DLG1: variants seen among roughly 807,000 people sequenced by gnomAD.
The protein encoded by DLG1 is disks large homolog 1.
Under a neutral mutation model 123.4 loss-of-function variants are expected in DLG1, and 42 were observed. The observed-to-expected ratio is 0.34, with a 90% CI of 0.27 to 0.44. DLG1 has a LOEUF of 0.44. Ranked by LOEUF, DLG1 falls within the 20% of genes least tolerant of loss-of-function variation. The pLI is 1.00. For synonymous variants in DLG1, 317 were observed against 356.2 expected (o/e 0.89, Z 1.24); for missense variants, 942 against 1,082.6 (o/e 0.87, Z 1.82).
intron 23 of DLG1, among the ~76,000 whole-genome samples, chr3:197,052,825 G>A (rs1379733249): frequency 2.0e-5 from 3 of 152,274 alleles, no homozygotes; most frequent in African/African-American, 7.2e-5. Flanking sequence ...GAGAGATGTG[G>A]AGAGAGAATC....
chr3:197,136,480 T>A (rs1785108419), intron 10 of DLG1, 62 bp downstream of exon 10: 1 of 1,405,050 alleles, frequency 7.1e-7, no homozygotes, highest in Admixed American at 2.0e-5. Flanking sequence ...AATTCCAGTA[T>A]CTATCAGAAA....
At chr3:197,258,483 A>G (rs1030301654) in intron 4 of DLG1, among the ~76,000 whole-genome samples, 8 of 152,120 alleles carry the variant, frequency 5.3e-5, no homozygotes, top group Non-Finnish European at 1.2e-4. Flanking sequence ...CTCAACCCAC[A>G]TGCCTGTACT....
intron 4 of DLG1, among the ~76,000 whole-genome samples, chr3:197,223,136 T>A (rs1477986352): frequency 1.3e-5 from 2 of 152,186 alleles, no homozygotes; most frequent in African/African-American, 4.8e-5. Flanking sequence ...CTTCATAGTC[T>A]CTACATTAAG....
chr3:197,233,533 C>A (rs576346517), intron 4 of DLG1, among the ~76,000 whole-genome samples: 182 of 152,228 alleles, frequency 1.2e-3, no homozygotes, highest in African/African-American at 4.2e-3. Context: ...ATTACAGGTG[C>A]GCACCACGAT....
rs565444581 is a variant in DLG1, at chr3:197,131,803, C to T, written c.1021-1132G>A. ...AGAGACGGGGTTTCACCGTTTTAGC[C>T]GGGATGGTCTCGATCTCCTGACCTC... On this transcript the variant is annotated intron_variant, in intron 10 of 24. Coordinates refer to ENST00000667157, the MANE Select transcript of DLG1 (RefSeq NM_001366207.1). 1.3e-4 allele frequency among the ~76,000 whole-genome samples: 20 copies of T among 151,406 alleles called. 1 individual carries two copies. In the Middle Eastern group the frequency reaches 0.01, roughly 77 times the overall value.
intron 4 of DLG1, among the ~76,000 whole-genome samples, chr3:197,259,339 T>C (rs1230811223): frequency 6.6e-6 from 1 of 152,166 alleles, no homozygotes; most frequent in African/African-American, 2.4e-5. Context: ...GAAACTACTG[T>C]TTGAACTAGA....
intron 5 of DLG1, among the ~76,000 whole-genome samples, chr3:197,152,044 T>C (rs1164415702): frequency 6.6e-6 from 1 of 152,214 alleles, no homozygotes; most frequent in African/African-American, 2.4e-5. Context: ...TATATAAATT[T>C]TAGTAACAGA....
intron 5 of DLG1, among the ~76,000 whole-genome samples, chr3:197,188,701 A>G (rs1208680179): frequency 6.6e-6 from 1 of 152,196 alleles, no homozygotes; most frequent in East Asian, 1.9e-4. Flanking sequence ...AATACTATAA[A>G]AGAGGAAAAG....
At chr3:197,242,080 T>C (rs1016776965) in intron 4 of DLG1, among the ~76,000 whole-genome samples, 1 of 151,906 alleles carries the variant, frequency 6.6e-6, no homozygotes, top group Non-Finnish European at 1.5e-5. Context: ...AAGATACACA[T>C]ACATTAAAAG....
At chr3:197,217,769 G>C (rs1397854653) in intron 4 of DLG1, among the ~76,000 whole-genome samples, 3 of 152,144 alleles carry the variant, frequency 2.0e-5, no homozygotes, top group Admixed American at 2.0e-4. Flanking sequence ...AGTTGTCTGG[G>C]AGAGAAGAGA....
chr3:197,085,137 T>A (rs561181219), intron 16 of DLG1, among the ~76,000 whole-genome samples: 168 of 151,106 alleles, frequency 1.1e-3, no homozygotes, highest in African/African-American at 3.9e-3. Flanking sequence ...TATATATATA[T>A]TATATATATA....
chr3:197,052,368 TC>T (rs1200447564), intron 23 of DLG1, among the ~76,000 whole-genome samples: 3 of 151,974 alleles, frequency 2.0e-5, no homozygotes, highest in African/African-American at 7.2e-5. Flanking sequence ...GGCAGGAGAA[TC>T]GCTTGAACCC....
At chr3:197,289,929 A>G (rs433811) in intron 3 of DLG1, among the ~76,000 whole-genome samples, 112,021 of 152,128 alleles carry the variant, frequency 0.74, 41,343 homozygotes, top group East Asian at 0.82. Flanking sequence ...AGCATATTCC[A>G]TAAAACAAGG....
At chr3:197,243,824 C>G (rs968870321) in intron 4 of DLG1, among the ~76,000 whole-genome samples, 3 of 152,144 alleles carry the variant, frequency 2.0e-5, no homozygotes, top group Non-Finnish European at 4.4e-5. Context: ...TGATTTCGGG[C>G]TTTAAATTCA....
At chr3:197,072,968 A>T (rs1185008928) in intron 18 of DLG1, among the ~76,000 whole-genome samples, 1 of 152,198 alleles carries the variant, frequency 6.6e-6, no homozygotes, top group African/African-American at 2.4e-5. Flanking sequence ...AAGTGCTGGG[A>T]TTACAGGCGT....
At chr3:197,109,198 C>T (rs1243700246) in intron 13 of DLG1, among the ~76,000 whole-genome samples, 2 of 152,082 alleles carry the variant, frequency 1.3e-5, no homozygotes, top group African/African-American at 4.8e-5. Context: ...AGACCCTTAT[C>T]TCTAAAAAAA....
intron 14 of DLG1, among the ~76,000 whole-genome samples, chr3:197,103,138 C>T (rs1291621579): frequency 1.3e-5 from 2 of 152,144 alleles, no homozygotes; most frequent in Admixed American, 6.5e-5. Flanking sequence ...TAACTCTTCC[C>T]CTCTTTCCGT....
intron 3 of DLG1, 138 bp from the exon 4 acceptor site, chr3:197,282,983 A>T: frequency 2.0e-6 from 1 of 500,676 alleles, no homozygotes; most frequent in Non-Finnish European, 3.5e-6. Flanking sequence ...GTACTTAAAC[A>T]GTGAATATTA....
intron 22 of DLG1, among the ~76,000 whole-genome samples, chr3:197,063,163 G>A (rs1388683390): frequency 3.3e-4 from 49 of 148,674 alleles, no homozygotes; most frequent in Admixed American, 2.9e-3. Context: ...AATACAGGCA[G>A]GTTTATTGTA....
Sources: gnomAD v4.1 joint callset for allele counts (sites outside exome capture counted in the v4.1 genomes callset) on GRCh38, gnomAD v4.1.1 for gene constraint, MANE v1.5 for transcripts, NCBI Gene and HGNC (gene_info 2026-07-23, HGNC 2026-07-21) for gene names.